The following MAD1L1 variants were observed in gnomAD, a reference collection of about 807,000 sequenced individuals.
MAD1L1 encodes mitotic spindle assembly checkpoint protein MAD1.
In MAD1L1, 95 loss-of-function variants were observed where a neutral mutation model predicts 96.9. The observed-to-expected ratio is 0.98, with a 90% confidence interval of 0.83 to 1.16. MAD1L1 has a LOEUF of 1.16. Among genes scored for constraint, MAD1L1 ranks in the 50% most tolerant of loss-of-function variants. The pLI is 0.00. For missense variants in MAD1L1, 1,007 were observed against 954.4 expected (o/e 1.06, Z -0.73); for synonymous variants, 473 against 396.6 (o/e 1.19, Z -2.29).
intron 3 of MAD1L1, among the ~76,000 whole-genome samples, chr7:2,228,106 G>C (rs748928001): frequency 6.6e-6 from 1 of 151,916 alleles, no homozygotes; most frequent in African/African-American, 2.4e-5. Context: ...CCATCACTCC[G>C]CTCACCACCT....
At chr7:1,961,082 C>T (rs1321782734) in intron 15 of MAD1L1, among the ~76,000 whole-genome samples, 5 of 152,164 alleles carry the variant, frequency 3.3e-5, no homozygotes, top group Non-Finnish European at 4.4e-5. Context: ...AAGCTCCGAG[C>T]ACTGTGAAGA....
At chr7:1,999,011 C>T (rs1195155367) in intron 14 of MAD1L1, among the ~76,000 whole-genome samples, 1 of 151,888 alleles carries the variant, frequency 6.6e-6, no homozygotes, top group Non-Finnish European at 1.5e-5. Flanking sequence ...TCCACAGAGC[C>T]CCCTAACCCC....
intron 11 of MAD1L1, among the ~76,000 whole-genome samples, chr7:2,124,532 C>A (rs1425882088): frequency 6.6e-6 from 1 of 152,208 alleles, no homozygotes; most frequent in African/African-American, 2.4e-5. Context: ...TGGCCCACCC[C>A]AGCCAACAGA....
chr7:2,032,298 A>G (rs993365321), intron 12 of MAD1L1, among the ~76,000 whole-genome samples: 1 of 151,776 alleles, frequency 6.6e-6, no homozygotes, highest in Non-Finnish European at 1.5e-5. Context: ...TCAGATGAGG[A>G]CAAGGCTCCA....
At chr7:1,966,646 C>A (rs1378318665) in intron 15 of MAD1L1, among the ~76,000 whole-genome samples, 2 of 150,876 alleles carry the variant, frequency 1.3e-5, no homozygotes, top group Non-Finnish European at 2.9e-5. Flanking sequence ...GAAATCCACA[C>A]CCAGACACAT....
intron 12 of MAD1L1, among the ~76,000 whole-genome samples, chr7:2,035,115 C>A (rs1212210951): frequency 6.6e-6 from 1 of 152,262 alleles, no homozygotes. Context: ...AAATGCCAGA[C>A]ACGATGTGGG....
chr7:2,175,836 A>C (rs1361157850), intron 10 of MAD1L1, among the ~76,000 whole-genome samples: 1 of 152,266 alleles, frequency 6.6e-6, no homozygotes, highest in Non-Finnish European at 1.5e-5. Context: ...AAATAAACCC[A>C]AAGACAGGAA....
intron 17 of MAD1L1, among the ~76,000 whole-genome samples, chr7:1,899,417 T>A (rs116940405): frequency 8.3e-4 from 127 of 152,146 alleles, no homozygotes; most frequent in Non-Finnish European, 1.5e-3. Flanking sequence ...CTGGACCCTA[T>A]CCTGCAGGCC....
chr7:2,158,180 C>T (rs1363177795), intron 10 of MAD1L1, among the ~76,000 whole-genome samples: 1 of 152,216 alleles, frequency 6.6e-6, no homozygotes, highest in African/African-American at 2.4e-5. Context: ...GACTCAAGCC[C>T]AGCTGCACGC....
chr7:1,994,430 G>A (rs367887278), intron 14 of MAD1L1, among the ~76,000 whole-genome samples: 35 of 152,322 alleles, frequency 2.3e-4, no homozygotes, highest in African/African-American at 8.2e-4. Context: ...GTGAGAAGAT[G>A]TGCTCAGAGG....
chr7:2,025,630 T>C (rs918825478), intron 12 of MAD1L1, among the ~76,000 whole-genome samples: 1 of 152,180 alleles, frequency 6.6e-6, no homozygotes, highest in African/African-American at 2.4e-5. Flanking sequence ...TAAAAAGGGT[T>C]AGAAATGTGT....
intron 11 of MAD1L1, among the ~76,000 whole-genome samples, chr7:2,108,338 T>C (rs1787202217): frequency 6.6e-6 from 1 of 152,196 alleles, no homozygotes; most frequent in Non-Finnish European, 1.5e-5. Context: ...ATGTCATTCA[T>C]CCGCGTCAGA....
At position 2,027,982 on chromosome 7, in the gene MAD1L1, AT is replaced by A. The variant is rs529197458; in HGVS notation, c.1219-13341del. On this transcript the variant is annotated intron_variant, in intron 12 of 18. Coordinates refer to ENST00000265854, the MANE Select transcript of MAD1L1 (RefSeq NM_001013836.2). ...ACAAATAAATTATTAAAATAAGTAG[AT>A]TTAGCAATGCTGCAGGACCAAAGTT... Among the ~76,000 whole-genome samples the A allele has an allele frequency of 7.7e-4, 117 of 152,388 alleles. No homozygotes were observed. The East Asian group carries it at 0.01, about 14-fold the overall frequency.
intron 18 of MAD1L1, among the ~76,000 whole-genome samples, chr7:1,827,453 C>T (rs1236438476): frequency 2.1e-5 from 2 of 94,018 alleles, no homozygotes; most frequent in African/African-American, 7.3e-5. Context: ...GGGTCCTCCC[C>T]TCCTGAGCCC....
chr7:2,169,256 C>T (rs1790589386), intron 10 of MAD1L1, among the ~76,000 whole-genome samples: 1 of 152,140 alleles, frequency 6.6e-6, no homozygotes, highest in African/African-American at 2.4e-5. Flanking sequence ...CAAAGGTAAA[C>T]CGGAATCTCC....
Position 2,119,898 on chromosome 7 carries a change from C to G in MAD1L1, c.1073+29254G>C, listed in dbSNP as rs1475159337. Among the ~76,000 whole-genome samples the G allele has an allele frequency of 6.6e-6, 1 of 152,158 alleles. No individual in the cohort carries two copies. Among genetic ancestry groups the G allele is most frequent in the African/African-American group, 2.4e-5 (1 of 41,418 alleles). Reference sequence around the variant, plus strand: ...TCTCCCCTCCTTCCAAGCATCCAACCAGGAGCTCCTTATTCCCTGAAAGCC... The same window carrying G: ...TCTCCCCTCCTTCCAAGCATCCAACGAGGAGCTCCTTATTCCCTGAAAGCC... On this transcript the variant is annotated intron_variant, in intron 11 of 18. Transcript: ENST00000265854. This position sits in a 1 kb window ranked among gnomAD's most constrained non-coding sequence, Gnocchi z 4.6.
intron 18 of MAD1L1, among the ~76,000 whole-genome samples, chr7:1,820,496 A>AG (rs112376589): frequency 0.58 from 88,659 of 151,838 alleles, 26,742 homozygotes; most frequent in Middle Eastern, 0.69. Context: ...GGCCAGGAGC[A>AG]GGGCTCACAC....
chr7:2,156,703 C>G (rs1789867167), intron 10 of MAD1L1, among the ~76,000 whole-genome samples: 1 of 151,882 alleles, frequency 6.6e-6, no homozygotes, highest in African/African-American at 2.4e-5. Context: ...TGCCTGTAAT[C>G]CCACCTACTC....
At chr7:1,981,482 C>T (rs993509204) in intron 14 of MAD1L1, among the ~76,000 whole-genome samples, 10 of 152,264 alleles carry the variant, frequency 6.6e-5, no homozygotes, top group Non-Finnish European at 1.2e-4. Context: ...CCAGAGACGC[C>T]CCTCACCACT....
Sources: gnomAD v4.1 joint callset for allele counts (sites outside exome capture counted in the v4.1 genomes callset) on GRCh38, gnomAD v4.1.1 for gene constraint, Gnocchi (gnomAD v3.1) non-coding constraint, MANE v1.5 for transcripts, NCBI Gene and HGNC (gene_info 2026-07-23, HGNC 2026-07-21) for gene names.